RNF121: variants seen among roughly 807,000 people sequenced by gnomAD.
The protein encoded by RNF121 is ring finger protein 121.
RNF121 carries 21 observed loss-of-function variants against 46.5 expected under a neutral mutation model. The observed-to-expected ratio is 0.45, with a 90% CI of 0.32 to 0.65. The LOEUF (loss-of-function observed/expected upper bound fraction) is 0.65. RNF121 is among the 30% of genes least tolerant of loss of function. RNF121 has a pLI of 0.04. For synonymous variants in RNF121, 139 were observed against 144.7 expected (o/e 0.96, Z 0.28); for missense variants, 346 against 416.0 (o/e 0.83, Z 1.46).
At chr11:71,949,278 T>C (rs1953805445) in intron 1 of RNF121, among the ~76,000 whole-genome samples, 1 of 151,998 alleles carries the variant, frequency 6.6e-6, no homozygotes, top group Non-Finnish European at 1.5e-5. Context: ...ATTAGCTGGG[T>C]GTGGTGGCAC....
intron 3 of RNF121, among the ~76,000 whole-genome samples, chr11:71,970,378 T>G (rs1954394095): frequency 6.6e-6 from 1 of 152,190 alleles, no homozygotes; most frequent in Non-Finnish European, 1.5e-5. Flanking sequence ...AAAAGTAGTT[T>G]TGGTTGACAC....
intron 1 of RNF121, among the ~76,000 whole-genome samples, chr11:71,951,322 A>C (rs142340886): frequency 6.6e-6 from 1 of 152,300 alleles, no homozygotes; most frequent in African/African-American, 2.4e-5. Flanking sequence ...TAGCAAGTAA[A>C]GACCTGTGCC....
intron 1 of RNF121, among the ~76,000 whole-genome samples, chr11:71,929,729 A>G (rs1953221257): frequency 6.6e-6 from 1 of 152,228 alleles, no homozygotes; most frequent in Non-Finnish European, 1.5e-5. Flanking sequence ...TATTCACTTA[A>G]TAAACATTAT....
intron 1 of RNF121, among the ~76,000 whole-genome samples, chr11:71,952,065 C>T (rs1244976782): frequency 6.6e-6 from 1 of 152,150 alleles, no homozygotes; most frequent in Non-Finnish European, 1.5e-5. Context: ...AAAGTAGAAA[C>T]AATGCCTACA....
intron 7 of RNF121, 43 bp from the exon 8 acceptor site, chr11:71,995,407 G>T: frequency 6.7e-7 from 1 of 1,492,718 alleles, no homozygotes; most frequent in Non-Finnish European, 9.2e-7. Flanking sequence ...GGGCTGGAGT[G>T]CCGCCCTGGC....
At chr11:71,990,443 T>C (rs145763693) in intron 5 of RNF121, among the ~76,000 whole-genome samples, 154 bp from the exon 6 acceptor site, 2 of 152,358 alleles carry the variant, frequency 1.3e-5, no homozygotes, top group African/African-American at 4.8e-5. Flanking sequence ...CATATAAAAA[T>C]AGACAGCAGA....
chr11:71,987,474 C>T (rs962831895), intron 5 of RNF121, among the ~76,000 whole-genome samples: 1 of 152,214 alleles, frequency 6.6e-6, no homozygotes, highest in African/African-American at 2.4e-5. Context: ...GCAGCATCCA[C>T]TCTGCATGAA....
chr11:71,996,354 A>G lies in RNF121; in HGVS notation c.*39A>G, dbSNP rs180980375. On this transcript the variant is annotated 3_prime_UTR_variant, in exon 9 of 9. Transcript: ENST00000361756. ...CAGTGGAAAACCCACCCCACACGCC[A>G]TGGACCTCAGGGCACTCTCCTCCCT... 566 of 1,608,984 alleles carry G rather than the reference A, an allele frequency of 3.5e-4. 13 individuals are homozygous for G. In the East Asian group the frequency reaches 8.8e-3, roughly 25 times the overall value.
At chr11:71,978,082 T>A (rs769737667) in intron 3 of RNF121, 13 of 304,342 alleles carry the variant, frequency 4.3e-5, no homozygotes, top group South Asian at 2.5e-4. Context: ...TTTTTTTTTT[T>A]AAGAGGTGGG....
rs531278702 is a variant in RNF121 at position 71,969,822 on chromosome 11, C to T, written c.243+8931C>T. On this transcript the variant is annotated intron_variant, in intron 3 of 8. Coordinates refer to ENST00000361756, the MANE Select transcript of RNF121 (RefSeq NM_018320.5). ...GCTCAAGCAGTCCTCCCACCTTGGC[C>T]TCTCAAAGTATTGGGATTACAGGCA... Among the ~76,000 whole-genome samples, 113 of 152,234 alleles carry T rather than the reference C, an allele frequency of 7.4e-4. 1 individual carries two copies. Among genetic ancestry groups the T allele is most frequent in the African/African-American group, 2.7e-3 (112 of 41,512 alleles).
Position 71,956,666 on chromosome 11 carries a change from C to G in RNF121, c.64-561C>G, listed in dbSNP as rs868608492. Among the ~76,000 whole-genome samples the G allele has an allele frequency of 1.2e-4, 19 of 152,366 alleles. No homozygotes were observed. The Middle Eastern group carries it at 0.014, about 109-fold the overall frequency. On this transcript the variant is annotated intron_variant, in intron 1 of 8. Transcript: ENST00000361756. The stretch of plus-strand genomic sequence containing the variant: ...GAGTCACATGGTGTTATATCTAACT[C>G]TGTCTCCCACTAATCCTGATTCATA...
At chr11:71,978,751 C>T (rs531596007) in intron 3 of RNF121, among the ~76,000 whole-genome samples, 1 of 152,318 alleles carries the variant, frequency 6.6e-6, no homozygotes, top group East Asian at 1.9e-4. Context: ...CTTTCCATGC[C>T]TTAACTCATT....
chr11:71,960,383 A>G (rs549631329), intron 2 of RNF121, among the ~76,000 whole-genome samples: 1 of 152,350 alleles, frequency 6.6e-6, no homozygotes, highest in East Asian at 1.9e-4. Flanking sequence ...TCTTTGGGTT[A>G]CTTTCTCGTT....
At chr11:71,962,743 ACT>A (rs1954166698) in intron 3 of RNF121, among the ~76,000 whole-genome samples, 1 of 152,160 alleles carries the variant, frequency 6.6e-6, no homozygotes, top group South Asian at 2.1e-4. Context: ...TCATGTGGTA[ACT>A]CTGTGTTTAA....
intron 1 of RNF121, among the ~76,000 whole-genome samples, chr11:71,937,174 AC>A (rs1268859048): frequency 6.6e-6 from 1 of 152,316 alleles, no homozygotes; most frequent in East Asian, 1.9e-4. Context: ...GTCAGCACTT[AC>A]CATGTCGTAT....
intron 3 of RNF121, among the ~76,000 whole-genome samples, chr11:71,979,611 A>G (rs1954602777): frequency 6.6e-6 from 1 of 152,192 alleles, no homozygotes; most frequent in Non-Finnish European, 1.5e-5. Context: ...TCTTTGTCCA[A>G]CTCAGAATAG....
intron 1 of RNF121, among the ~76,000 whole-genome samples, chr11:71,950,039 C>T (rs577547169): frequency 1.3e-5 from 2 of 151,542 alleles, no homozygotes; most frequent in South Asian, 2.1e-4. Flanking sequence ...ACACAAAACT[C>T]GCACAAAAAA....
chr11:71,996,769 TA>T lies in RNF121; in HGVS notation c.*456del. On this transcript the variant is annotated 3_prime_UTR_variant, in exon 9 of 9. Transcript: ENST00000361756. ...CCTGGTGCACTTAGTATAGAAGAGC[TA>T]ACGTACTCAGGCTTGTGCCACGGGT... The T allele has an allele frequency of 6.0e-6, 1 of 166,996 alleles. No homozygotes were observed. Among genetic ancestry groups the T allele is most frequent in the South Asian group, 1.3e-4 (1 of 7,712 alleles). 10.3% of individuals were successfully genotyped at this position (166,996 alleles called of 1,614,324 possible).
At chr11:71,949,979 C>T (rs1435899419) in intron 1 of RNF121, among the ~76,000 whole-genome samples, 3 of 151,490 alleles carry the variant, frequency 2.0e-5, no homozygotes, top group South Asian at 2.1e-4. Flanking sequence ...CCAGTCTGGG[C>T]GACAGAGCAA....
Sources: gnomAD v4.1 joint callset for allele counts (sites outside exome capture counted in the v4.1 genomes callset) on GRCh38, gnomAD v4.1.1 for gene constraint, MANE v1.5 for transcripts, NCBI Gene and HGNC (gene_info 2026-07-23, HGNC 2026-07-21) for gene names.